Variants in N4BP2L2 observed in about 807,000 individuals in gnomAD.
The protein encoded by N4BP2L2 is NEDD4-binding protein 2-like 2.
N4BP2L2 carries 50 observed loss-of-function variants against 56.2 expected under a neutral mutation model. That is an observed-to-expected ratio of 0.89 (90% CI 0.71 to 1.13). N4BP2L2 has a LOEUF of 1.13. N4BP2L2 is among the 50% of genes most tolerant of loss of function. N4BP2L2 has a pLI of 0.00. For synonymous variants in N4BP2L2, 203 were observed against 223.6 expected (o/e 0.91, Z 0.82); for missense variants, 689 against 693.8 (o/e 0.99, Z 0.08).
At chr13:32,432,670 T>C (rs1007354100) in exon 10 of N4BP2L2, 2 of 152,190 alleles carry the variant, frequency 1.3e-5, no homozygotes, top group Non-Finnish European at 2.9e-5. Flanking sequence ...GGGCTAACCT[T>C]TTAATCCTAA....
At position 32,439,284 on chromosome 13, in the gene N4BP2L2, AGTCTT is replaced by A. The variant is rs1453313816; in HGVS notation, c.2105-552_2105-548del. The stretch of plus-strand genomic sequence containing the variant: ...ATATGCACTAATTTTATTTTATGTT[AGTCTT>A]GTCTCCCAATTTAGAAGGTAAGCTA... On this transcript the variant is annotated intron_variant, in intron 7 of 9. Transcript: ENST00000357505. Among the ~76,000 whole-genome samples, 3 of 152,328 alleles carry A rather than the reference AGTCTT, an allele frequency of 2.0e-5. No homozygotes were observed. The East Asian group carries it at 5.8e-4, about 29-fold the overall frequency.
chr13:32,486,661 G>A (rs987119024), intron 6 of N4BP2L2, among the ~76,000 whole-genome samples: 1 of 151,588 alleles, frequency 6.6e-6, no homozygotes, highest in Non-Finnish European at 1.5e-5. Context: ...GGGCAACAGA[G>A]CAAGACTTCA....
chr13:32,470,218 G>T (rs1056718787), intron 6 of N4BP2L2, among the ~76,000 whole-genome samples: 10 of 152,182 alleles, frequency 6.6e-5, no homozygotes, highest in Non-Finnish European at 1.5e-4. Flanking sequence ...ATGGAACTGG[G>T]ACTTCTTTTC....
intron 6 of N4BP2L2, among the ~76,000 whole-genome samples, chr13:32,488,197 G>A (rs2086295640): frequency 6.6e-6 from 1 of 152,150 alleles, no homozygotes; most frequent in Non-Finnish European, 1.5e-5. Context: ...AGAAAATGTG[G>A]TATATATACA....
exon 2 of N4BP2L2, chr13:32,536,256 C>T: frequency 6.2e-7 from 1 of 1,613,626 alleles, no homozygotes; most frequent in Non-Finnish European, 8.5e-7. Flanking sequence ...AATGAAGTGT[C>T]ACAAAATGTA....
chr13:32,501,372 CGA>C (rs560264482), intron 6 of N4BP2L2, among the ~76,000 whole-genome samples: 6 of 151,638 alleles, frequency 4.0e-5, no homozygotes, highest in Non-Finnish European at 7.4e-5. Flanking sequence ...CCATGAAAAC[CGA>C]GAGAGAGGAG....
At position 32,480,640 on chromosome 13, in the gene N4BP2L2, G is replaced by A. The variant is rs900711591; in HGVS notation, c.366-36514C>T. ...ATTTGATATTTCTTCAGTCACACCT[G>A]AAAATGGAAATAACATTTAGATTGT... On this transcript the variant is annotated intron_variant, in intron 6 of 9. Transcript: ENST00000357505. The A allele has an allele frequency of 6.2e-6, 8 of 1,286,386 alleles. No individual in the cohort carries two copies. The East Asian group carries it at 3.3e-4, about 54-fold the overall frequency. The allele number at this position is 1,286,386 out of a possible 1,614,324, so 79.7% of individuals were successfully genotyped here. A position where few individuals can be genotyped will look rare whatever the true frequency, so the allele number is the denominator to read the frequency against.
intron 6 of N4BP2L2, among the ~76,000 whole-genome samples, chr13:32,462,876 A>T (rs1293425919): frequency 6.9e-6 from 1 of 145,758 alleles, no homozygotes; most frequent in African/African-American, 2.6e-5. Context: ...AAAAAAAAAA[A>T]AAAAAAAAAA....
chr13:32,511,275 G>A (rs748317784), exon 6 of N4BP2L2: 5 of 152,144 alleles, frequency 3.3e-5, no homozygotes, highest in African/African-American at 4.8e-5. Context: ...TTGTTGCAGC[G>A]GCATTGCACC....
At chr13:32,469,029 G>A (rs966308019) in intron 6 of N4BP2L2, among the ~76,000 whole-genome samples, 1 of 152,236 alleles carries the variant, frequency 6.6e-6, no homozygotes, top group Non-Finnish European at 1.5e-5. Flanking sequence ...TGAGGAGCTA[G>A]TGTGAGTGAG....
rs967381291 is a variant in N4BP2L2, at chr13:32,464,971, G to GT, written c.366-20846dup. 1.0e-3 allele frequency among the ~76,000 whole-genome samples: 155 copies of GT among 148,410 alleles called. 2 individuals carry two copies. The highest frequency in any genetic ancestry group is 3.5e-3 in the African/African-American group (141 of 40,622). On this transcript the variant is annotated intron_variant, in intron 6 of 9. Transcript: ENST00000357505. ...TTAACAAGAATCTAAATTCTTGTTTGTTTTTTTTTTCTTTAGACAGAGTTT... is the reference window on the plus strand; with the variant it reads ...TTAACAAGAATCTAAATTCTTGTTTGTTTTTTTTTTTCTTTAGACAGAGTTT...
rs368388343 is a variant in N4BP2L2, at chr13:32,442,791, G to A, written c.1701C>T (p.Asn567=). The change falls in exon 7 of 10, where the codon AAC becomes AAT. Residue 567 remains asparagine (N), a synonymous_variant. Transcript: ENST00000357505. ...ATAAAGATGCAGAGCACCTTAGTCTGTTAAATGACAGGCAATGAGAATAAC... is the reference window on the plus strand; with the variant it reads ...ATAAAGATGCAGAGCACCTTAGTCTATTAAATGACAGGCAATGAGAATAAC... 4.0e-5 allele frequency: 64 copies of A among 1,613,622 alleles called. No homozygotes were observed. In the African/African-American group the frequency reaches 6.5e-4, roughly 16 times the overall value.
exon 7 of N4BP2L2, chr13:32,443,048 G>T (rs766198308): frequency 8.1e-6 from 13 of 1,606,884 alleles, no homozygotes; most frequent in African/African-American, 1.3e-5. Context: ...TCAAAATTTG[G>T]TACCAAATTG....
chr13:32,442,596 A>G, exon 7 of N4BP2L2: 1 of 1,613,976 alleles, frequency 6.2e-7, no homozygotes, highest in Non-Finnish European at 8.5e-7. Context: ...AAGAGCACGA[A>G]GTATCAGGAT....
intron 6 of N4BP2L2, among the ~76,000 whole-genome samples, chr13:32,454,549 G>C (rs1473234968): frequency 6.6e-6 from 1 of 152,054 alleles, no homozygotes; most frequent in East Asian, 1.9e-4. Flanking sequence ...AAATTAATAG[G>C]AACAATCATT....
intron 6 of N4BP2L2, among the ~76,000 whole-genome samples, chr13:32,484,070 G>A (rs2085348923): frequency 6.6e-6 from 1 of 152,006 alleles, no homozygotes; most frequent in Non-Finnish European, 1.5e-5. Context: ...AGCACTTCAG[G>A]AGGCCAAGGC....
intron 6 of N4BP2L2, among the ~76,000 whole-genome samples, chr13:32,486,247 T>C (rs1312517237): frequency 6.6e-6 from 1 of 152,032 alleles, no homozygotes; most frequent in East Asian, 1.9e-4. Context: ...TATTCAACAT[T>C]ACACCACAGG....
At chr13:32,478,141 G>A in intron 6 of N4BP2L2, 1 of 1,024,664 alleles carries the variant, frequency 9.8e-7, no homozygotes, top group Non-Finnish European at 1.3e-6. Context: ...GCCATGGCCA[G>A]AACATTCAAT....
At chr13:32,435,018 T>C (rs1421920988) in intron 9 of N4BP2L2, among the ~76,000 whole-genome samples, 1 of 152,148 alleles carries the variant, frequency 6.6e-6, no homozygotes, top group Non-Finnish European at 1.5e-5. Context: ...TGCATGCTGC[T>C]TGTACTGGTG....
Sources: gnomAD v4.1 joint callset for allele counts (sites outside exome capture counted in the v4.1 genomes callset) on GRCh38, gnomAD v4.1.1 for gene constraint, MANE v1.5 for transcripts, NCBI Gene and HGNC (gene_info 2026-07-23, HGNC 2026-07-21) for gene names.